GET1: variants seen among roughly 807,000 people sequenced by gnomAD.
The protein encoded by GET1 is congenital heart disease 5 protein.
In GET1, 20 loss-of-function variants were observed where a neutral mutation model predicts 22.6. The ratio of observed to expected loss-of-function variants is 0.89; its 90% CI spans 0.62 to 1.29. GET1 has a LOEUF of 1.29. GET1 is among the 50% of genes most tolerant of loss of function. GET1 has a pLI of 0.00. For missense variants in GET1, 209 were observed against 219.9 expected (o/e 0.95, Z 0.31); for synonymous variants, 92 against 83.8 (o/e 1.10, Z -0.53).
chr21:39,410,287 C>A (rs201745046), downstream of GET1: 4 of 1,608,208 alleles, frequency 2.5e-6, no homozygotes, highest in African/African-American at 2.7e-5. Flanking sequence ...GGTGGAACAT[C>A]TGATTTTTGG....
At chr21:39,414,942 C>T (rs969536410) in intron 1 of GET1, among the ~76,000 whole-genome samples, 2 of 152,134 alleles carry the variant, frequency 1.3e-5, no homozygotes, top group East Asian at 1.9e-4. Flanking sequence ...ACAAGAGTCT[C>T]TCTCTGTTGC....
At chr21:39,400,417 TC>T (rs2038811343), downstream of GET1, among the ~76,000 whole-genome samples, 1 of 152,250 alleles carries the variant, frequency 6.6e-6, no homozygotes, top group Non-Finnish European at 1.5e-5. Flanking sequence ...CAGAGACTAT[TC>T]CTTGAGCTTT....
chr21:39,391,311 G>A (rs772224115), intron 2 of GET1: 4 of 230,140 alleles, frequency 1.7e-5, no homozygotes, highest in South Asian at 1.7e-4. Context: ...AGGGCAGCCC[G>A]TGTGCTGAGG....
rs2037480417 is a variant in GET1, at chr21:39,380,417, G to C, written c.33G>C (p.Trp11Cys). The change falls in exon 1 of 5, where the codon TGG becomes TGC. Residue 11 changes from tryptophan to cysteine, a missense_variant. By Grantham distance (215) the Trp-to-Cys change is radical. Coordinates refer to ENST00000649170, the MANE Select transcript of GET1 (RefSeq NM_004627.6). ...CAGCCGCGGCCGACCACTGGGCGTG[G>C]TTGCTGGTGCTCAGCTTCGTGTTTG... The part of the protein sequence containing the change: MSSAAADHWA[W>C]LLVLSFVFGC... 6.2e-7 allele frequency: 1 copy of C among 1,612,300 alleles called. No individual in the cohort carries two copies. Among genetic ancestry groups the C allele is most frequent in the African/African-American group, 1.3e-5 (1 of 75,046 alleles).
chr21:39,411,790 C>T (rs1258139964), intron 1 of GET1: 1 of 1,584,024 alleles, frequency 6.3e-7, no homozygotes, highest in Admixed American at 1.7e-5. Context: ...ATTTCAAGCT[C>T]ACGATCCTTT....
intron 4 of GET1, among the ~76,000 whole-genome samples, chr21:39,394,296 C>T (rs984360092): frequency 1.3e-5 from 2 of 152,178 alleles, no homozygotes; most frequent in East Asian, 1.9e-4. Flanking sequence ...TGTACCCCAG[C>T]CTGGGTGACA....
Position 39,390,858 on chromosome 21 carries a change from C to T in GET1, c.263C>T (p.Thr88Ile), listed in dbSNP as rs1255207648. 1 of 1,614,056 alleles carries T rather than the reference C, an allele frequency of 6.2e-7. No homozygotes were observed. The highest frequency in any genetic ancestry group is 1.3e-5 in the African/African-American group (1 of 75,024). Residue 88 changes from threonine (T) to isoleucine (I), a missense_variant, in exon 2 of 5, where the codon ACC becomes ATC. Transcript: ENST00000649170. ...KINKMTDKLK[T>I]HVKARTAQLA... Reference sequence around the variant, plus strand: ...AACAAGATGACGGATAAGCTCAAAACCCATGGTACTGTGTCCCTTGCAGCC... The same window carrying T: ...AACAAGATGACGGATAAGCTCAAAATCCATGGTACTGTGTCCCTTGCAGCC...
intron 1 of GET1, chr21:39,425,828 T>A (rs913451356): frequency 6.6e-6 from 1 of 152,246 alleles, no homozygotes; most frequent in African/African-American, 2.4e-5. Context: ...ATGGGATCCA[T>A]GGGCACTGGA....
chr21:39,428,214 CCTTTT>C, intron 1 of GET1: 1 of 1,599,510 alleles, frequency 6.3e-7, no homozygotes, highest in Non-Finnish European at 8.5e-7. Context: ...TTTTTCTTCT[CCTTTT>C]CTTTTACCAC....
Position 39,406,128 on chromosome 21 carries a change from T to A in GET1, c.*144T>A, listed in dbSNP as rs1326415204. 13 of 1,614,142 alleles carry A rather than the reference T, an allele frequency of 8.1e-6. No homozygotes were observed. In the East Asian group the frequency reaches 2.9e-4, roughly 36 times the overall value. On this transcript the variant is annotated 3_prime_UTR_variant, in exon 5 of 5. Transcript: ENST00000415847. ...GACTGCTTTTCTTATCTCTGAAAGT[T>A]GTATCCTTCACTTTTATTCTGGAAG...
chr21:39,413,531 C>A (rs2040474619), intron 1 of GET1, among the ~76,000 whole-genome samples: 1 of 152,142 alleles, frequency 6.6e-6, no homozygotes, highest in South Asian at 2.1e-4. Flanking sequence ...TCATTTGAAT[C>A]ATAAAATTAG....
chr21:39,397,578 T>A lies in GET1; in HGVS notation c.*639T>A, dbSNP rs1236454570. On this transcript the variant is annotated 3_prime_UTR_variant, in exon 5 of 5. Transcript: ENST00000649170. Reference sequence around the variant, plus strand: ...GAGACCATGATGCATTGTTTTGTGCTCAACTTGTGTTTTGTATTTAAAGCA... The same window carrying A: ...GAGACCATGATGCATTGTTTTGTGCACAACTTGTGTTTTGTATTTAAAGCA... 1 of 152,302 alleles carries A rather than the reference T, an allele frequency of 6.6e-6. No individual in the cohort carries two copies. Among genetic ancestry groups the A allele is most frequent in the African/African-American group, 2.4e-5 (1 of 41,464 alleles). 9.4% of individuals were successfully genotyped at this position (152,302 alleles called of 1,614,324 possible).
At chr21:39,410,839 T>G, downstream of GET1, 1 of 471,172 alleles carries the variant, frequency 2.1e-6, no homozygotes, top group Non-Finnish European at 4.4e-6. Context: ...TCTCTATTAT[T>G]CTAGATTATA....
At position 39,388,893 on chromosome 21, in the gene GET1, C is replaced by G. The variant is rs1240063676; in HGVS notation, c.103-1805C>G. ...TGCGGGGGCTGCGCAGGCGGGCCTC[C>G]AGGTCATGCGGGGCCCCTCTGCTCA... On this transcript the variant is annotated intron_variant, in intron 1 of 4. Transcript: ENST00000649170. Among the ~76,000 whole-genome samples, 3 of 152,210 alleles carry G rather than the reference C, an allele frequency of 2.0e-5. No homozygotes were observed. In the East Asian group the frequency reaches 5.8e-4, roughly 29 times the overall value.
chr21:39,394,848 A>G (rs888633325), intron 4 of GET1, among the ~76,000 whole-genome samples: 23 of 152,116 alleles, frequency 1.5e-4, no homozygotes, highest in African/African-American at 5.3e-4. Flanking sequence ...CCATAGCACC[A>G]TATCAGTACA....
chr21:39,398,370 C>G (rs2038752309), downstream of GET1, among the ~76,000 whole-genome samples: 2 of 152,050 alleles, frequency 1.3e-5, no homozygotes, highest in South Asian at 4.1e-4. Flanking sequence ...TAGAGCGTGC[C>G]CAGGGAACTG....
At chr21:39,401,486 C>T (rs537880559), downstream of GET1, among the ~76,000 whole-genome samples, 6 of 152,312 alleles carry the variant, frequency 3.9e-5, no homozygotes, top group East Asian at 5.8e-4. Context: ...AGAACCTTTG[C>T]GATCCCCACT....
intron 1 of GET1, among the ~76,000 whole-genome samples, chr21:39,384,326 G>A (rs1279389274): frequency 2.0e-5 from 3 of 151,686 alleles, no homozygotes; most frequent in South Asian, 2.1e-4. Context: ...GCGCTATCTC[G>A]GCTCACTGCA....
chr21:39,406,592 G>A lies in GET1; in HGVS notation c.*608G>A, dbSNP rs755761670. 2.5e-6 allele frequency: 4 copies of A among 1,583,974 alleles called. No individual in the cohort carries two copies. The East Asian group carries it at 8.9e-5, about 35-fold the overall frequency. On this transcript the variant is annotated 3_prime_UTR_variant, in exon 5 of 5. Coordinates refer to the GET1 transcript ENST00000415847. ...TCCAGCAGTATTTGGACTTCCAAAT[G>A]TTTCTCTTCCCCTGATAAATCTATA... is the stretch of plus-strand genomic sequence containing the variant.
Sources: gnomAD v4.1 joint callset for allele counts (sites outside exome capture counted in the v4.1 genomes callset) on GRCh38, gnomAD v4.1.1 for gene constraint, MANE v1.5 for transcripts, NCBI Gene and HGNC (gene_info 2026-07-23, HGNC 2026-07-21) for gene names.